The following TMPRSS6 variants were observed in gnomAD, a reference collection of about 807,000 sequenced individuals.
TMPRSS6 encodes the protein transmembrane serine protease 6.
A neutral mutation model predicts 101.5 loss-of-function variants in TMPRSS6; 67 were observed. The observed-to-expected ratio is 0.66, with a 90% CI of 0.54 to 0.81. The LOEUF (loss-of-function observed/expected upper bound fraction) is 0.81, where lower values mean the gene tolerates loss of function less well. TMPRSS6 is among the 30% of genes least tolerant of loss of function. The pLI, the probability that TMPRSS6 is intolerant of heterozygous loss-of-function variation, is 0.00. For synonymous variants in TMPRSS6, 453 were observed against 464.9 expected (o/e 0.97, Z 0.33); for missense variants, 1,034 against 1,088.7 (o/e 0.95, Z 0.71).
At chr22:37,066,993 T>A in intron 16 of TMPRSS6, 31 bp from the exon 17 acceptor site, 1 of 1,613,964 alleles carries the variant, frequency 6.2e-7, no homozygotes, top group Non-Finnish European at 8.5e-7. Flanking sequence ...AAGTGAGATC[T>A]CAGGAGCCTG....
chr22:37,108,374 T>C (rs553849605), intron 1 of TMPRSS6, among the ~76,000 whole-genome samples: 2 of 152,314 alleles, frequency 1.3e-5, no homozygotes, highest in East Asian at 3.9e-4. Context: ...CCCCTCGCGA[T>C]GTGCAGCTTA....
Position 37,070,509 on chromosome 22 carries a change from C to T in TMPRSS6, c.1816G>A (p.Ala606Thr), listed in dbSNP as rs1435408449. ...ALIADRWVIT[A>T]AHCFQEDSMA... Reference sequence around the variant, plus strand: ...CTGTCCTCCTGGAAGCAGTGGGCAGCTGTTATCACCCAGCGGTCAGCGATG... The same window carrying T: ...CTGTCCTCCTGGAAGCAGTGGGCAGTTGTTATCACCCAGCGGTCAGCGATG... Residue 606 changes from alanine to threonine, a missense_variant, in exon 15 of 18, where the codon GCT becomes ACT. Ala to Thr is a moderately conservative substitution (Grantham distance 58, BLOSUM62 0). Coordinates refer to ENST00000676104, the MANE Select transcript of TMPRSS6 (RefSeq NM_001374504.1). 6.2e-7 allele frequency: 1 copy of T among 1,613,416 alleles called. No homozygotes were observed. The highest frequency in any genetic ancestry group is 2.2e-5 in the East Asian group (1 of 44,892).
In TMPRSS6 at chr22:37,103,193, C is replaced by T. The variant is rs1175353916; in HGVS notation, c.202+23G>A. On this transcript the variant is annotated intron_variant, in intron 2 of 17. Coordinates refer to ENST00000676104, the MANE Select transcript of TMPRSS6 (RefSeq NM_001374504.1). This position sits in a 1 kb window ranked among gnomAD's most constrained non-coding sequence, Gnocchi z 4.4. Reference sequence around the variant, plus strand: ...CCCCAAGTCCTCCCCAGGTGCCTCTCCCAGGCGGTCCCACAACGTTACCTA... The same window carrying T: ...CCCCAAGTCCTCCCCAGGTGCCTCTTCCAGGCGGTCCCACAACGTTACCTA... 4.3e-6 allele frequency: 7 copies of T among 1,613,250 alleles called. No individual in the cohort carries two copies. The highest frequency in any genetic ancestry group is 5.9e-6 in the Non-Finnish European group (7 of 1,179,680).
intron 13 of TMPRSS6, among the ~76,000 whole-genome samples, chr22:37,072,593 TGATGGATGGATGGATGGATGATGGAC>T (rs1568999544): frequency 1.9e-5 from 2 of 104,614 alleles, no homozygotes. Context: ...GATGGATGGA[TGATGGATGGATGGATGGATGATGGAC>T]GATGGATGGA....
At position 37,103,216 on chromosome 22, in the gene TMPRSS6, C is replaced by A; in HGVS notation, c.202G>T (p.Gly68Trp). Residue 68 changes from glycine (G) to tryptophan (W), a missense_variant and splice_region_variant, in exon 2 of 18, where the codon GGG becomes TGG. Gly to Trp is a radical substitution (Grantham distance 184). Coordinates refer to ENST00000676104, the MANE Select transcript of TMPRSS6 (RefSeq NM_001374504.1). This position sits in a 1 kb window ranked among gnomAD's most constrained non-coding sequence, Gnocchi z 4.4. The part of the protein sequence containing the change: ...SAGVLLWYFL[G>W]YKAEVMVSQV... Reference sequence around the variant, plus strand: ...CTCCCAGGCGGTCCCACAACGTTACCTAGGAAATACCAGAGTAGCACCCCC... The same window carrying A: ...CTCCCAGGCGGTCCCACAACGTTACATAGGAAATACCAGAGTAGCACCCCC... 1 of 1,613,900 alleles carries A rather than the reference C, an allele frequency of 6.2e-7. No homozygotes were observed. The highest frequency in any genetic ancestry group is 8.5e-7 in the Non-Finnish European group (1 of 1,179,886).
At chr22:37,070,716 A>T in intron 14 of TMPRSS6, 64 bp from the exon 15 acceptor site, 1 of 1,547,492 alleles carries the variant, frequency 6.5e-7, no homozygotes, top group East Asian at 2.3e-5. Flanking sequence ...GCAGACAGAG[A>T]GGAAGGGCAA....
In TMPRSS6 at chr22:37,069,102, A is replaced by G. The variant is rs761411813; in HGVS notation, c.2084T>C (p.Ile695Thr). 54 of 1,554,378 alleles carry G rather than the reference A, an allele frequency of 3.5e-5. No homozygotes were observed. Among genetic ancestry groups the G allele is most frequent in the Admixed American group, 1.3e-4 (7 of 52,858 alleles). The stretch of plus-strand genomic sequence containing the variant: ...CTCGCGCAAGGCGCCCCAGCCCGTA[A>G]TCCAGCAGTGCAGGCCGGGCTCGAA... The part of the protein sequence containing the change: ...HFFEPGLHCW[I>T]TGWGALREGG... Residue 695 changes from isoleucine to threonine, a missense_variant, in exon 16 of 18, where the codon ATT becomes ACT. Coordinates refer to ENST00000676104, the MANE Select transcript of TMPRSS6 (RefSeq NM_001374504.1). The surrounding 1 kb of genome is among the most constrained non-coding windows in gnomAD (Gnocchi z 4.8).
At chr22:37,096,146 C>T in intron 4 of TMPRSS6, 56 bp from the exon 5 acceptor site, 5 of 1,595,570 alleles carry the variant, frequency 3.1e-6, no homozygotes, top group Non-Finnish European at 3.4e-6. Context: ...CTGGCCCCAG[C>T]TCCACCCCTG....
At chr22:37,079,478 G>T (rs1156246525) in intron 10 of TMPRSS6, among the ~76,000 whole-genome samples, 6 of 152,134 alleles carry the variant, frequency 3.9e-5, no homozygotes, top group African/African-American at 1.4e-4. Context: ...AGGAAAGAAG[G>T]GTGCGTGGGT....
intron 13 of TMPRSS6, among the ~76,000 whole-genome samples, chr22:37,072,986 GGATAGATGGAT>G (rs1927254568): frequency 6.7e-6 from 1 of 149,998 alleles, no homozygotes; most frequent in Non-Finnish European, 1.5e-5. Flanking sequence ...GATGATGGAT[GGATAGATGGAT>G]GATGGATGGA....
At chr22:37,078,226 A>T (rs1315791201) in intron 10 of TMPRSS6, among the ~76,000 whole-genome samples, 2 of 152,172 alleles carry the variant, frequency 1.3e-5, no homozygotes, top group Admixed American at 1.3e-4. Context: ...AAGGAACCCA[A>T]GCCGGGGTTG....
intron 16 of TMPRSS6, among the ~76,000 whole-genome samples, chr22:37,067,338 C>T (rs192008456): frequency 2.0e-4 from 31 of 152,252 alleles, no homozygotes; most frequent in African/African-American, 7.2e-4. Context: ...GGTGTGGTGG[C>T]ACATGCCTGT....
intron 13 of TMPRSS6, among the ~76,000 whole-genome samples, chr22:37,071,259 C>T (rs1280738244): frequency 6.6e-6 from 1 of 151,872 alleles, no homozygotes; most frequent in Admixed American, 6.5e-5. Context: ...TGTCTCCATT[C>T]TCAGACTGGA....
intron 17 of TMPRSS6, 109 bp downstream of exon 17, chr22:37,066,717 G>T (rs1265618821): frequency 4.1e-6 from 6 of 1,468,218 alleles, no homozygotes; most frequent in Non-Finnish European, 5.7e-6. Flanking sequence ...CCACCTTGCT[G>T]GGAGGATGGG....
At chr22:37,073,160 GTGGATGGA>G (rs375343726) in intron 13 of TMPRSS6, among the ~76,000 whole-genome samples, 11 of 138,170 alleles carry the variant, frequency 8.0e-5, no homozygotes, top group Non-Finnish European at 1.5e-4. Context: ...AGATGGGTGG[GTGGATGGA>G]TGGATGGATG....
In TMPRSS6 at chr22:37,069,082, G is replaced by A; in HGVS notation, c.2104C>T (p.Arg702Cys). Residue 702 changes from arginine (R) to cysteine (C), a missense_variant, in exon 16 of 18, where the codon CGC becomes TGC. Physicochemically the swap from Arg to Cys is radical, Grantham distance 180 (BLOSUM62 -3). Coordinates refer to ENST00000676104, the MANE Select transcript of TMPRSS6 (RefSeq NM_001374504.1). This position sits in a 1 kb window ranked among gnomAD's most constrained non-coding sequence, Gnocchi z 4.8. ...HCWITGWGAL[R>C]EGGPISNALQ... ...AGTCCCCGCTGCTCACCGCCCTCGC[G>A]CAAGGCGCCCCAGCCCGTAATCCAG... The A allele has an allele frequency of 6.5e-7, 1 of 1,543,580 alleles. No individual in the cohort carries two copies. Among genetic ancestry groups the A allele is most frequent in the South Asian group, 1.2e-5 (1 of 84,484 alleles).
intron 10 of TMPRSS6, among the ~76,000 whole-genome samples, chr22:37,078,829 A>AGAGGAGGAG (rs200675010): frequency 7.0e-6 from 1 of 142,280 alleles, no homozygotes; most frequent in Non-Finnish European, 1.5e-5. Context: ...AGAAGAAGAA[A>AGAGGAGGAG]GAGGAGGAGG....
At chr22:37,100,124 C>T (rs1332046723) in intron 2 of TMPRSS6, among the ~76,000 whole-genome samples, 21 of 152,142 alleles carry the variant, frequency 1.4e-4, no homozygotes, top group Non-Finnish European at 2.8e-4. Context: ...TGCACCACCA[C>T]GCCCGGTTAA....
intron 10 of TMPRSS6, among the ~76,000 whole-genome samples, chr22:37,078,987 A>AAG (rs1555888520): frequency 6.7e-6 from 1 of 148,722 alleles, no homozygotes; most frequent in African/African-American, 2.6e-5. Context: ...GAAAGAAAGA[A>AAG]AGAAAGAAAG....
Sources: allele counts gnomAD v4.1 joint callset (sites outside exome capture counted in the v4.1 genomes callset), GRCh38; gene constraint gnomAD v4.1.1; non-coding constraint Gnocchi (gnomAD v3.1); transcripts MANE v1.5; gene names NCBI Gene and HGNC (gene_info 2026-07-23, HGNC 2026-07-21).